The following USP38 variants were observed in gnomAD, a reference collection of about 807,000 sequenced individuals.
USP38 encodes the protein ubiquitin carboxyl-terminal hydrolase 38.
Under a neutral mutation model 94.3 loss-of-function variants are expected in USP38, and 49 were observed. The ratio of observed to expected loss-of-function variants is 0.52; its 90% CI spans 0.41 to 0.66. The LOEUF is 0.66. Ranked by LOEUF, USP38 falls within the 30% of genes least tolerant of loss-of-function variation. USP38 has a pLI of 0.00. For synonymous variants in USP38, 468 were observed against 463.6 expected (o/e 1.01, Z -0.12); for missense variants, 1,128 against 1,229.4 (o/e 0.92, Z 1.23).
rs1420484406 is a variant in USP38 at position 143,221,959 on chromosome 4, T to C, written c.*1503T>C. ...AATTCTTTGCAGATTTAATGAAGGT[T>C]CTCCTCCTTATAAATGAATGAACCA... On this transcript the variant is annotated 3_prime_UTR_variant, in exon 10 of 10. Coordinates refer to ENST00000307017, the MANE Select transcript of USP38 (RefSeq NM_032557.6). The C allele has an allele frequency of 6.6e-6, 1 of 151,660 alleles. No individual in the cohort carries two copies. The highest frequency in any genetic ancestry group is 6.6e-5 in the Admixed American group (1 of 15,236). The allele number at this position is 151,660 out of a possible 1,614,324, so 9.4% of individuals were successfully genotyped here.
At chr4:143,203,293 T>C in intron 4 of USP38, 115 bp from the exon 5 acceptor site, 1 of 1,022,914 alleles carries the variant, frequency 9.8e-7, no homozygotes, top group Non-Finnish European at 1.4e-6. Context: ...ACTCTGTGAC[T>C]GCACATACAG....
At position 143,214,322 on chromosome 4, in the gene USP38, C is replaced by A; in HGVS notation, c.2346C>A (p.Asp782Glu). The A allele has an allele frequency of 6.8e-6, 11 of 1,612,664 alleles. No homozygotes were observed. The highest frequency in any genetic ancestry group is 9.3e-6 in the Non-Finnish European group (11 of 1,179,560). Residue 782 changes from aspartate (D) to glutamate (E), a missense_variant, in exon 9 of 10, where the codon GAC becomes GAA. Asp to Glu is a conservative substitution (Grantham distance 45, BLOSUM62 2). Coordinates refer to ENST00000307017, the MANE Select transcript of USP38 (RefSeq NM_032557.6). ...ATCATGTGAGAAGGAAAATTTTAGA[C>A]AATGTATCACTGCCACTGGTTTTGG... The part of the protein sequence containing the change: ...QKYHVRRKIL[D>E]NVSLPLVLEL...
At chr4:143,210,170 A>G (rs979411099) in intron 7 of USP38, among the ~76,000 whole-genome samples, 1 of 152,180 alleles carries the variant, frequency 6.6e-6, no homozygotes, top group Non-Finnish European at 1.5e-5. Context: ...GTGATCTTTT[A>G]TGTCCACACA....
chr4:143,213,733 T>C lies in USP38; in HGVS notation c.1757T>C (p.Ile586Thr), dbSNP rs772291978. ...PRTSDGEKTL[I>T]EKMFGGKLRT... The stretch of plus-strand genomic sequence containing the variant: ...ACAAGTGACGGTGAGAAGACTTTAA[T>C]AGAAAAAATGTTTGGAGGAAAACTA... Residue 586 changes from isoleucine to threonine, a missense_variant, in exon 9 of 10, where the codon ATA (isoleucine) becomes ACA (threonine). Coordinates refer to ENST00000307017, the MANE Select transcript of USP38 (RefSeq NM_032557.6). 4.3e-6 allele frequency: 7 copies of C among 1,613,728 alleles called. No individual in the cohort carries two copies. In the Admixed American group the frequency reaches 1.0e-4, roughly 23 times the overall value.
chr4:143,200,056 A>C (rs1025631074), intron 4 of USP38, among the ~76,000 whole-genome samples: 2 of 152,044 alleles, frequency 1.3e-5, no homozygotes, highest in Non-Finnish European at 2.9e-5. Context: ...TGTGTCCAGG[A>C]TGGTATTGCC....
rs368432140 is a variant in USP38, at chr4:143,186,074, C to T, written c.624C>T (p.Ala208=). 312 of 1,614,034 alleles carry T rather than the reference C, an allele frequency of 1.9e-4. No individual in the cohort carries two copies. The highest frequency in any genetic ancestry group is 2.5e-4 in the Non-Finnish European group (296 of 1,180,042). The part of the protein sequence containing the change: ...VSNLLQNIWK[A]EPATLLPSLQ... The stretch of plus-strand genomic sequence containing the variant: ...ACTTGCTGCAGAACATCTGGAAGGC[C>T]GAGCCTGCCACACTACTGCCTTCCC... The change falls in exon 1 of 10, where the codon GCC becomes GCT. Residue 208 remains alanine, a synonymous_variant. Transcript: ENST00000307017.
At chr4:143,219,345 A>AG (rs1732264958) in intron 9 of USP38, among the ~76,000 whole-genome samples, 1 of 152,128 alleles carries the variant, frequency 6.6e-6, no homozygotes. Flanking sequence ...CGAAAAATTG[A>AG]GCATTTTGTG....
At chr4:143,211,858 A>T (rs979770796) in intron 7 of USP38, among the ~76,000 whole-genome samples, 1 of 152,216 alleles carries the variant, frequency 6.6e-6, no homozygotes, top group African/African-American at 2.4e-5. Context: ...ATTTTTGCCT[A>T]AAGTAGGTAT....
chr4:143,197,992 C>G, intron 4 of USP38, 68 bp downstream of exon 4: 2 of 1,141,432 alleles, frequency 1.8e-6, no homozygotes, highest in Non-Finnish European at 1.3e-6. Context: ...AATATTGAGT[C>G]ACATTTTTAT....
At chr4:143,205,781 G>T (rs1731843803) in intron 5 of USP38, among the ~76,000 whole-genome samples, 1 of 152,098 alleles carries the variant, frequency 6.6e-6, no homozygotes, top group Admixed American at 6.6e-5. Flanking sequence ...GTTCAAATGT[G>T]ACTTGAATTT....
chr4:143,195,922 G>T, intron 3 of USP38, 77 bp downstream of exon 3: 1 of 1,311,718 alleles, frequency 7.6e-7, no homozygotes, highest in Non-Finnish European at 1.0e-6. Flanking sequence ...TGGTATCCTT[G>T]AAAGCATCTA....
At chr4:143,204,195 G>A (rs1388978792) in intron 5 of USP38, among the ~76,000 whole-genome samples, 1 of 152,090 alleles carries the variant, frequency 6.6e-6, no homozygotes. Context: ...GGCCAGGCTG[G>A]TCTGAAACTC....
At chr4:143,190,244 C>T (rs1731356369) in intron 2 of USP38, among the ~76,000 whole-genome samples, 1 of 134,014 alleles carries the variant, frequency 7.5e-6, no homozygotes, top group East Asian at 2.4e-4. Flanking sequence ...TGGTCCATCA[C>T]TTTCATTGCA....
chr4:143,185,992 T>C lies in USP38; in HGVS notation c.542T>C (p.Val181Ala). Residue 181 changes from valine (V) to alanine (A), a missense_variant, in exon 1 of 10, where the codon GTG becomes GCG. Transcript: ENST00000307017. ...CGAACGATAGGCCATTTCCAGTGCG[T>C]GTCCACCCAGGAAAGAGAGCTGCGG... ...LVRTIGHFQC[V>A]STQERELREY... 1.2e-6 allele frequency: 2 copies of C among 1,614,194 alleles called. No individual in the cohort carries two copies. The highest frequency in any genetic ancestry group is 1.7e-5 in the Admixed American group (1 of 60,032).
chr4:143,197,034 C>T lies in USP38; in HGVS notation c.949-789C>T, dbSNP rs1313534131. The stretch of plus-strand genomic sequence containing the variant: ...CCTTCCTGCTCCTGTCCTTGGTCCC[C>T]TGTACTTATCACACAAGGTCCTATG... On this transcript the variant is annotated intron_variant, in intron 3 of 9. Coordinates refer to ENST00000307017, the MANE Select transcript of USP38 (RefSeq NM_032557.6). Among the ~76,000 whole-genome samples, 4 of 152,190 alleles carry T rather than the reference C, an allele frequency of 2.6e-5. No homozygotes were observed. In the East Asian group the frequency reaches 5.8e-4, roughly 22 times the overall value.
intron 5 of USP38, among the ~76,000 whole-genome samples, chr4:143,205,002 T>C (rs1287230663): frequency 6.6e-6 from 1 of 152,172 alleles, no homozygotes; most frequent in Non-Finnish European, 1.5e-5. Flanking sequence ...ATTGCTGGGG[T>C]GACACTTTGA....
At chr4:143,216,749 A>G (rs1732196495) in intron 9 of USP38, among the ~76,000 whole-genome samples, 1 of 151,242 alleles carries the variant, frequency 6.6e-6, no homozygotes, top group African/African-American at 2.4e-5. Context: ...GTGCTGGGCC[A>G]CTGCATGTGG....
At chr4:143,209,502 AG>A in intron 6 of USP38, 61 bp from the exon 7 acceptor site, 2 of 1,015,272 alleles carry the variant, frequency 2.0e-6, no homozygotes, top group Non-Finnish European at 1.4e-6. Context: ...AAAAAAAAAA[AG>A]CTTTTAATAA....
At chr4:143,194,708 C>G (rs199847817) in intron 2 of USP38, among the ~76,000 whole-genome samples, 2 of 151,986 alleles carry the variant, frequency 1.3e-5, no homozygotes. Flanking sequence ...GGGTTTCACC[C>G]TGTTGGCCAG....
Sources: allele counts gnomAD v4.1 joint callset (sites outside exome capture counted in the v4.1 genomes callset), GRCh38; gene constraint gnomAD v4.1.1; transcripts MANE v1.5; gene names NCBI Gene and HGNC (gene_info 2026-07-23, HGNC 2026-07-21).